EFL1: variants seen among roughly 807,000 people sequenced by gnomAD.
EFL1 encodes elongation factor-like GTPase 1.
Under a neutral mutation model 126.7 loss-of-function variants are expected in EFL1, and 76 were observed. The observed-to-expected ratio is 0.60, with a 90% confidence interval of 0.50 to 0.73. The LOEUF is 0.73. Among genes scored for constraint, EFL1 ranks in the 30% least tolerant of loss-of-function variants. The pLI is 0.00. For missense variants in EFL1, 1,128 were observed against 1,343.2 expected, an observed-to-expected ratio of 0.84 and a Z score of 2.50; for synonymous variants, 410 against 448.4, an observed-to-expected ratio of 0.91 and a Z score of 1.08.
At chr15:82,146,967 A>G (rs1445752421) in intron 18 of EFL1, among the ~76,000 whole-genome samples, 2 of 152,162 alleles carry the variant, frequency 1.3e-5, no homozygotes, top group African/African-American at 4.8e-5. Flanking sequence ...TAAAAATATA[A>G]GGATAGGATG....
intron 15 of EFL1, among the ~76,000 whole-genome samples, chr15:82,179,855 G>A (rs1269432845): frequency 6.6e-6 from 1 of 151,772 alleles, no homozygotes; most frequent in East Asian, 1.9e-4. Flanking sequence ...TGGAGAGGGT[G>A]AAACAATAAT....
In EFL1 at chr15:82,130,320, T is replaced by C; in HGVS notation, c.*53A>G. The C allele has an allele frequency of 6.3e-7, 1 of 1,579,082 alleles. No individual in the cohort carries two copies. ...AGAAATTTTCCCAATATTAAACCCT[T>C]GATGATACTTTTAAATTCACTATAA... On this transcript the variant is annotated 3_prime_UTR_variant, in exon 20 of 20. Transcript: ENST00000268206.
At chr15:82,226,285 C>A (rs1408750236) in intron 11 of EFL1, among the ~76,000 whole-genome samples, 1 of 152,232 alleles carries the variant, frequency 6.6e-6, no homozygotes, top group Non-Finnish European at 1.5e-5. Flanking sequence ...CCTCCTGCCT[C>A]AGCCTCCCGA....
chr15:82,233,538 T>C (rs1349966733), intron 7 of EFL1: 1 of 152,182 alleles, frequency 6.6e-6, no homozygotes, highest in Non-Finnish European at 1.5e-5. Flanking sequence ...TAATACTCAG[T>C]TACACAAAGA....
At chr15:82,239,729 G>C (rs1415839134) in intron 6 of EFL1, among the ~76,000 whole-genome samples, 1 of 152,052 alleles carries the variant, frequency 6.6e-6, no homozygotes, top group Admixed American at 6.6e-5. Flanking sequence ...GCTTTTTCTT[G>C]CCTTTATGAC....
chr15:82,261,995 A>G, intron 1 of EFL1, 198 bp from the exon 2 acceptor site: 1 of 473,224 alleles, frequency 2.1e-6, no homozygotes, highest in East Asian at 3.4e-5. Flanking sequence ...CCACGATTAC[A>G]CTTAAGGAGT....
At chr15:82,213,293 A>T in intron 15 of EFL1, among the ~76,000 whole-genome samples, 1 of 152,314 alleles carries the variant, frequency 6.6e-6, no homozygotes, top group South Asian at 2.1e-4. Flanking sequence ...CACTTTTTTA[A>T]AAGGTCAGTA....
At chr15:82,204,291 A>G (rs1432086676) in intron 15 of EFL1, among the ~76,000 whole-genome samples, 1 of 152,158 alleles carries the variant, frequency 6.6e-6, no homozygotes, top group Non-Finnish European at 1.5e-5. Flanking sequence ...AATAACTGCC[A>G]CTACTCAAAA....
chr15:82,183,218 A>G (rs536995554), intron 15 of EFL1, among the ~76,000 whole-genome samples: 8 of 152,356 alleles, frequency 5.3e-5, no homozygotes, highest in Admixed American at 6.5e-5. Flanking sequence ...AAAAGTTGAT[A>G]ATCATATAAT....
intron 15 of EFL1, among the ~76,000 whole-genome samples, chr15:82,205,059 G>C (rs2651696): frequency 3.9e-5 from 6 of 152,294 alleles, no homozygotes; most frequent in Admixed American, 6.5e-5. Flanking sequence ...TATGGCAGGG[G>C]AGACTGTCCC....
intron 3 of EFL1, among the ~76,000 whole-genome samples, chr15:82,256,416 T>A (rs761915525): frequency 5.3e-5 from 8 of 152,254 alleles, no homozygotes; most frequent in Admixed American, 5.2e-4. Context: ...TAGCAATTTA[T>A]CTACATTTTT....
At chr15:82,212,011 G>A (rs2074595780) in intron 15 of EFL1, among the ~76,000 whole-genome samples, 1 of 152,112 alleles carries the variant, frequency 6.6e-6, no homozygotes, top group Admixed American at 6.5e-5. Flanking sequence ...TTAAGCCACT[G>A]GGAAACTGAC....
At position 82,228,266 on chromosome 15, in the gene EFL1, C is replaced by T; in HGVS notation, c.994G>A (p.Ala332Thr). 3.1e-6 allele frequency: 5 copies of T among 1,614,064 alleles called. No homozygotes were observed. The highest frequency in any genetic ancestry group is 2.2e-5 in the East Asian group (1 of 44,878). Residue 332 changes from alanine (A) to threonine (T), a missense_variant, in exon 10 of 20, where the codon GCA (alanine) becomes ACA (threonine). Transcript: ENST00000268206. ...SLGLKIGAREARHSDPKVQIN... is the reference protein window; with the variant it reads ...SLGLKIGARETRHSDPKVQIN... ...TGAACTTTAGGGTCTGAATGTCGTG[C>T]CTCCCGGGCTCCAATTTTTAATCCT...
intron 15 of EFL1, among the ~76,000 whole-genome samples, chr15:82,198,778 G>C (rs1207110155): frequency 6.6e-6 from 1 of 152,186 alleles, no homozygotes; most frequent in Non-Finnish European, 1.5e-5. Flanking sequence ...CAACTTGCCA[G>C]AGGTCCCACT....
Position 82,183,218 on chromosome 15 carries a change from A to C in EFL1, c.1751-19234T>G, listed in dbSNP as rs536995554. 9.2e-5 allele frequency among the ~76,000 whole-genome samples: 14 copies of C among 152,356 alleles called. No homozygotes were observed. The East Asian group carries it at 2.3e-3, about 25-fold the overall frequency. On this transcript the variant is annotated intron_variant, in intron 15 of 19. Coordinates refer to ENST00000268206, the MANE Select transcript of EFL1 (RefSeq NM_024580.6). ...AATGTAGGGAGAAAGAAAAGTTGAT[A>C]ATCATATAATAATTTTGTCCTTAAA...
intron 18 of EFL1, among the ~76,000 whole-genome samples, chr15:82,149,140 G>T (rs959537657): frequency 6.6e-6 from 1 of 151,996 alleles, no homozygotes; most frequent in Admixed American, 6.5e-5. Context: ...TAAGATGGTG[G>T]TGATGTGACT....
chr15:82,135,635 AT>A (rs1185521553), intron 19 of EFL1, among the ~76,000 whole-genome samples: 1 of 152,204 alleles, frequency 6.6e-6, no homozygotes, highest in Non-Finnish European at 1.5e-5. Context: ...AACAAATTTT[AT>A]TTATCAAAAC....
intron 15 of EFL1, among the ~76,000 whole-genome samples, chr15:82,186,629 A>C (rs549726213): frequency 6.6e-5 from 10 of 152,340 alleles, no homozygotes; most frequent in Non-Finnish European, 1.3e-4. Context: ...TTAATCTTTA[A>C]TAATGGCCAA....
At chr15:82,183,161 T>C (rs2074269877) in intron 15 of EFL1, among the ~76,000 whole-genome samples, 1 of 152,214 alleles carries the variant, frequency 6.6e-6, no homozygotes, top group Non-Finnish European at 1.5e-5. Context: ...CCTCTGGCTA[T>C]ATACTCAGCG....
Sources: gnomAD v4.1 joint callset for allele counts (sites outside exome capture counted in the v4.1 genomes callset) on GRCh38, gnomAD v4.1.1 for gene constraint, MANE v1.5 for transcripts, NCBI Gene and HGNC (gene_info 2026-07-23, HGNC 2026-07-21) for gene names.